SEMA6D: variants seen among roughly 807,000 people sequenced by gnomAD.
SEMA6D encodes semaphorin-6D.
Under a neutral mutation model 106.6 loss-of-function variants are expected in SEMA6D, and 35 were observed. The observed-to-expected ratio is 0.33, with a 90% CI of 0.25 to 0.44. The LOEUF is 0.44. SEMA6D is among the 20% of genes least tolerant of loss of function. The pLI is 1.00. For synonymous variants in SEMA6D, 499 were observed against 487.7 expected (o/e 1.02, Z -0.31); for missense variants, 1,185 against 1,345.9 (o/e 0.88, Z 1.87).
At position 47,761,166 on chromosome 15, in the gene SEMA6D, A is replaced by G. The variant is rs370119933; in HGVS notation, c.291A>G (p.Thr97=). ...TTGCTTGATTAATACAGAAACTGAC[A>G]TGGCGATCAAGACAACAGGATCGAG... The part of the protein sequence containing the change: ...KTEVIPNKKL[T]WRSRQQDREN... Residue 97 remains threonine (T), a synonymous_variant, in exon 5 of 19, where the codon ACA becomes ACG. Transcript: ENST00000536845. 23 of 1,613,676 alleles carry G rather than the reference A, an allele frequency of 1.4e-5. No individual in the cohort carries two copies. Among genetic ancestry groups the G allele is most frequent in the Admixed American group, 1.3e-4 (8 of 60,000 alleles).
chr15:47,224,552 C>T (rs2031487929), intron 1 of SEMA6D, among the ~76,000 whole-genome samples: 1 of 152,092 alleles, frequency 6.6e-6, no homozygotes, highest in African/African-American at 2.4e-5. Flanking sequence ...TCTCAGATCT[C>T]TTTAACTTCC....
chr15:47,580,355 G>T (rs982932064), intron 3 of SEMA6D, among the ~76,000 whole-genome samples: 1 of 152,172 alleles, frequency 6.6e-6, no homozygotes, highest in Non-Finnish European at 1.5e-5. Context: ...GCAATCGATA[G>T]TTAAAATCAT....
At chr15:47,552,559 T>C (rs369482465) in intron 3 of SEMA6D, among the ~76,000 whole-genome samples, 104 of 133,700 alleles carry the variant, frequency 7.8e-4, no homozygotes, top group African/African-American at 2.4e-3. Flanking sequence ...CACACACACA[T>C]ATGGCAAGGC....
intron 4 of SEMA6D, among the ~76,000 whole-genome samples, chr15:47,613,212 C>T (rs951739742): frequency 5.3e-4 from 80 of 152,196 alleles, no homozygotes; most frequent in African/African-American, 1.9e-3. Flanking sequence ...CACCTCAACT[C>T]ACTCTATCCT....
chr15:47,405,572 A>G (rs776312783), intron 1 of SEMA6D, among the ~76,000 whole-genome samples: 8 of 152,178 alleles, frequency 5.3e-5, no homozygotes, highest in African/African-American at 1.2e-4. Flanking sequence ...TCAGTGCCTC[A>G]GGGTCTTTCC....
chr15:47,552,651 C>A (rs1446673708), intron 3 of SEMA6D, among the ~76,000 whole-genome samples: 1 of 145,736 alleles, frequency 6.9e-6, no homozygotes, highest in African/African-American at 2.5e-5. Context: ...ATTTTTAAAT[C>A]TTAAATTTCA....
At chr15:47,508,273 G>C (rs1470381270) in intron 3 of SEMA6D, among the ~76,000 whole-genome samples, 1 of 152,198 alleles carries the variant, frequency 6.6e-6, no homozygotes, top group East Asian at 1.9e-4. Flanking sequence ...GTGTTTTTAA[G>C]ATATTTTTCC....
At chr15:47,713,673 A>G (rs1014271215), upstream of SEMA6D, among the ~76,000 whole-genome samples, 1 of 152,206 alleles carries the variant, frequency 6.6e-6, no homozygotes, top group South Asian at 2.1e-4. Context: ...TTATTTTGAA[A>G]CATGAAATTC....
At chr15:47,407,381 AAAAAAACCAAAACAACAACAACAACAAC>A (rs2040614625) in intron 1 of SEMA6D, among the ~76,000 whole-genome samples, 2 of 148,218 alleles carry the variant, frequency 1.3e-5, no homozygotes, top group Non-Finnish European at 1.5e-5. Flanking sequence ...AAAAAAAAAA[AAAAAAACCAAAACAACAACAACAACAAC>A]AAAAAAAACA....
intron 1 of SEMA6D, among the ~76,000 whole-genome samples, chr15:47,185,369 G>C (rs1445789313): frequency 6.6e-6 from 1 of 152,162 alleles, no homozygotes; most frequent in Non-Finnish European, 1.5e-5. Flanking sequence ...ACAGGGCACG[G>C]TATTTCCCCC....
intron 2 of SEMA6D, among the ~76,000 whole-genome samples, chr15:47,434,403 C>T (rs2041637004): frequency 6.6e-6 from 1 of 152,064 alleles, no homozygotes; most frequent in South Asian, 2.1e-4. Context: ...GAGGAGGATC[C>T]TGGCTCTAAA....
chr15:47,561,055 AC>A (rs1425123025), intron 3 of SEMA6D, among the ~76,000 whole-genome samples: 1 of 140,692 alleles, frequency 7.1e-6, no homozygotes, highest in African/African-American at 2.4e-5. Flanking sequence ...CTAATACAAA[AC>A]AGAAAAAAAA....
intron 4 of SEMA6D, among the ~76,000 whole-genome samples, chr15:47,664,977 G>A (rs1354810315): frequency 6.6e-6 from 1 of 152,134 alleles, no homozygotes; most frequent in Non-Finnish European, 1.5e-5. Flanking sequence ...TACCTGCCCT[G>A]CTTTAATGGA....
At chr15:47,542,857 T>C (rs2045398878) in intron 3 of SEMA6D, among the ~76,000 whole-genome samples, 1 of 152,092 alleles carries the variant, frequency 6.6e-6, no homozygotes, top group Non-Finnish European at 1.5e-5. Context: ...AGAAGCCAGC[T>C]CAGGTGTCCA....
intron 3 of SEMA6D, among the ~76,000 whole-genome samples, chr15:47,516,492 G>A (rs186915649): frequency 6.6e-6 from 1 of 152,210 alleles, no homozygotes; most frequent in East Asian, 1.9e-4. Flanking sequence ...TTTAACAAAA[G>A]CCTAATTTAT....
chr15:47,383,924 G>T (rs2039728328), intron 1 of SEMA6D, among the ~76,000 whole-genome samples: 1 of 152,146 alleles, frequency 6.6e-6, no homozygotes, highest in Non-Finnish European at 1.5e-5. Flanking sequence ...CCAAATTCAA[G>T]CTCCTGCTTC....
chr15:47,365,074 A>G (rs1185882543), intron 1 of SEMA6D, among the ~76,000 whole-genome samples: 1 of 152,216 alleles, frequency 6.6e-6, no homozygotes, highest in Non-Finnish European at 1.5e-5. Context: ...TCCAATCATT[A>G]GCCCTTCAGC....
At chr15:47,272,505 CAAA>C (rs1340389650) in intron 1 of SEMA6D, 1 of 152,138 alleles carries the variant, frequency 6.6e-6, no homozygotes, top group Non-Finnish European at 1.5e-5. Flanking sequence ...AAAGTAATCT[CAAA>C]GAAAAATCAT....
At chr15:47,571,622 A>G (rs1257731365) in intron 3 of SEMA6D, among the ~76,000 whole-genome samples, 1 of 152,240 alleles carries the variant, frequency 6.6e-6, no homozygotes, top group Non-Finnish European at 1.5e-5. Context: ...CTGAAAAAGC[A>G]CTGTAGAAAA....
Sources: allele counts gnomAD v4.1 joint callset (sites outside exome capture counted in the v4.1 genomes callset), GRCh38; gene constraint gnomAD v4.1.1; transcripts MANE v1.5; gene names NCBI Gene and HGNC (gene_info 2026-07-23, HGNC 2026-07-21).